The following ITPR1 variants were observed in gnomAD, a reference collection of about 807,000 sequenced individuals.
ITPR1 encodes the protein inositol 1,4,5-trisphosphate receptor type 1, also known as inositol 1,4,5-trisphosphate-gated calcium channel ITPR1.
Under a neutral mutation model 318.4 loss-of-function variants are expected in ITPR1, and 96 were observed. The observed-to-expected ratio is 0.30, with a 90% CI of 0.26 to 0.36. The LOEUF is 0.36. Ranked by LOEUF, ITPR1 falls within the 10% of genes least tolerant of loss-of-function variation. ITPR1 has a pLI of 1.00. For synonymous variants in ITPR1, 1,312 were observed against 1,289.9 expected (o/e 1.02, Z -0.37); for missense variants, 2,440 against 3,460.2 (o/e 0.71, Z 7.40).
chr3:4,651,957 A>G (rs1179538922), intron 10 of ITPR1, among the ~76,000 whole-genome samples, 166 bp from the exon 11 acceptor site: 1 of 152,196 alleles, frequency 6.6e-6, no homozygotes, highest in Non-Finnish European at 1.5e-5. Flanking sequence ...CTTACTTTTC[A>G]GTTTGGATGC....
At chr3:4,568,068 G>A (rs2087558252) in intron 4 of ITPR1, among the ~76,000 whole-genome samples, 1 of 152,206 alleles carries the variant, frequency 6.6e-6, no homozygotes, top group South Asian at 2.1e-4. Flanking sequence ...GTGGGGATGG[G>A]AGAGCCTGAA....
chr3:4,835,446 G>C (rs1056941778), intron 60 of ITPR1, among the ~76,000 whole-genome samples: 6 of 152,170 alleles, frequency 3.9e-5, no homozygotes, highest in African/African-American at 1.4e-4. Flanking sequence ...GGGTATAACG[G>C]AGTAGCTGAG....
At chr3:4,691,718 T>C (rs79193151) in intron 32 of ITPR1, among the ~76,000 whole-genome samples, 10 of 152,338 alleles carry the variant, frequency 6.6e-5, no homozygotes, top group South Asian at 2.1e-4. Context: ...ATTAATTAGA[T>C]GGAAAAAATT....
chr3:4,591,383 G>A (rs1239731790), intron 4 of ITPR1, among the ~76,000 whole-genome samples: 2 of 152,152 alleles, frequency 1.3e-5, no homozygotes, highest in Non-Finnish European at 2.9e-5. Flanking sequence ...AACGTTGCCA[G>A]CATCTGTTGT....
At chr3:4,701,226 G>T (rs2094646080) in intron 35 of ITPR1, among the ~76,000 whole-genome samples, 1 of 152,216 alleles carries the variant, frequency 6.6e-6, no homozygotes, top group Non-Finnish European at 1.5e-5. Context: ...CTTTCTTTGA[G>T]CTGGGCTGTT....
intron 32 of ITPR1, among the ~76,000 whole-genome samples, chr3:4,693,055 C>T (rs920782336): frequency 3.9e-5 from 6 of 151,962 alleles, no homozygotes; most frequent in Non-Finnish European, 7.4e-5. Context: ...ACCTGGGAGG[C>T]GGAGGTTGTG....
chr3:4,643,303 T>C (rs1334831985), intron 7 of ITPR1, among the ~76,000 whole-genome samples: 3 of 152,256 alleles, frequency 2.0e-5, no homozygotes, highest in African/African-American at 4.8e-5. Context: ...TGGTTTTTCA[T>C]GTTAGGAAAC....
At chr3:4,586,156 C>A (rs1011989791) in intron 4 of ITPR1, among the ~76,000 whole-genome samples, 1 of 152,166 alleles carries the variant, frequency 6.6e-6, no homozygotes, top group Non-Finnish European at 1.5e-5. Flanking sequence ...TTTTCTTAAT[C>A]CAGTCTATCA....
intron 4 of ITPR1, among the ~76,000 whole-genome samples, chr3:4,578,895 T>C (rs2088982235): frequency 6.6e-6 from 1 of 152,184 alleles, no homozygotes; most frequent in African/African-American, 2.4e-5. Context: ...CACGTTGTCA[T>C]TGAGAGAGGG....
Position 4,683,569 on chromosome 3 carries a change from C to T in ITPR1, c.3327+18C>T, listed in dbSNP as rs1359049827. On this transcript the variant is annotated intron_variant, in intron 27 of 61. Transcript: ENST00000649015. ...TCAAACAGGTAGCTCAGGTCACCCACGTGTGTGTTGTCTGTCCAAGAAGCT... is the reference window on the plus strand; with the variant it reads ...TCAAACAGGTAGCTCAGGTCACCCATGTGTGTGTTGTCTGTCCAAGAAGCT... The T allele has an allele frequency of 6.2e-6, 10 of 1,613,554 alleles. No homozygotes were observed. The highest frequency in any genetic ancestry group is 1.1e-5 in the South Asian group (1 of 91,082).
chr3:4,663,819 C>T (rs1029532782), intron 16 of ITPR1, among the ~76,000 whole-genome samples: 1 of 152,206 alleles, frequency 6.6e-6, no homozygotes, highest in Non-Finnish European at 1.5e-5. Flanking sequence ...TCTGTCCTTC[C>T]TGCTAACCCT....
intron 4 of ITPR1, among the ~76,000 whole-genome samples, chr3:4,620,191 C>T (rs992146300): frequency 2.0e-5 from 3 of 152,132 alleles, no homozygotes; most frequent in African/African-American, 4.8e-5. Flanking sequence ...GGAGCCTGTG[C>T]GTTTCACCAT....
At chr3:4,560,745 C>G (rs890986473) in intron 4 of ITPR1, among the ~76,000 whole-genome samples, 1 of 152,196 alleles carries the variant, frequency 6.6e-6, no homozygotes, top group Non-Finnish European at 1.5e-5. Flanking sequence ...GTAGTTCAGC[C>G]TCTGCCACTT....
intron 32 of ITPR1, among the ~76,000 whole-genome samples, chr3:4,692,229 T>C (rs1169870513): frequency 6.6e-6 from 1 of 151,918 alleles, no homozygotes; most frequent in Non-Finnish European, 1.5e-5. Flanking sequence ...TGCCATGAGA[T>C]ACATTACTTG....
At chr3:4,546,251 C>G (rs771291471) in intron 4 of ITPR1, among the ~76,000 whole-genome samples, 4 of 152,146 alleles carry the variant, frequency 2.6e-5, no homozygotes, top group Non-Finnish European at 5.9e-5. Context: ...CAGAAAGTGT[C>G]TTCTCCAGGC....
intron 30 of ITPR1, among the ~76,000 whole-genome samples, chr3:4,687,086 G>T (rs1445924714): frequency 1.3e-5 from 2 of 152,226 alleles, no homozygotes; most frequent in African/African-American, 4.8e-5. Flanking sequence ...TCTAGACCAG[G>T]GGTTAGCAAA....
At chr3:4,838,191 TAAA>T (rs546819212) in intron 61 of ITPR1, among the ~76,000 whole-genome samples, 1 of 152,120 alleles carries the variant, frequency 6.6e-6, no homozygotes, top group Non-Finnish European at 1.5e-5. Flanking sequence ...AAGGTGCAAA[TAAA>T]AAAGACTAGT....
chr3:4,752,173 G>A (rs1432031527), intron 44 of ITPR1, among the ~76,000 whole-genome samples: 1 of 152,164 alleles, frequency 6.6e-6, no homozygotes, highest in Non-Finnish European at 1.5e-5. Context: ...CTTCGAGGAG[G>A]ATGTGTTGCA....
rs367604027 is a variant in ITPR1, at chr3:4,663,834, AGCCATGAACGTTCTTACT to A, written c.1554+631_1554+648del. Among the ~76,000 whole-genome samples the A allele has an allele frequency of 8.3e-4, 126 of 152,300 alleles. 1 individual carries two copies. The highest frequency in any genetic ancestry group is 2.8e-3 in the African/African-American group (115 of 41,566). The stretch of plus-strand genomic sequence containing the variant: ...TCTGTCCTTCCTGCTAACCCTTCAC[AGCCATGAACGTTCTTACT>A]GCATGCATTGTTTTCCCTTTACAGA... On this transcript the variant is annotated intron_variant, in intron 16 of 61. Transcript: ENST00000649015.
Sources: gnomAD v4.1 joint callset for allele counts (sites outside exome capture counted in the v4.1 genomes callset) on GRCh38, gnomAD v4.1.1 for gene constraint, MANE v1.5 for transcripts, NCBI Gene and HGNC (gene_info 2026-07-23, HGNC 2026-07-21) for gene names.